SLC6A11: variants seen among roughly 807,000 people sequenced by gnomAD.
SLC6A11 encodes sodium- and chloride-dependent GABA transporter 3.
Under a neutral mutation model 74.8 loss-of-function variants are expected in SLC6A11, and 25 were observed. That is an observed-to-expected ratio of 0.33 (90% CI 0.24 to 0.47). The LOEUF (loss-of-function observed/expected upper bound fraction) is 0.47, where lower values mean the gene tolerates loss of function less well. Among genes scored for constraint, SLC6A11 ranks in the 20% least tolerant of loss-of-function variants. The pLI, the probability that SLC6A11 is intolerant of heterozygous loss-of-function variation, is 1.00. For missense variants in SLC6A11, 574 were observed against 837.0 expected (o/e 0.69, Z 3.88); for synonymous variants, 330 against 330.2 (o/e 1.00, Z 0.01).
chr3:10,882,017 C>T (rs999456849), intron 6 of SLC6A11, among the ~76,000 whole-genome samples: 7 of 152,208 alleles, frequency 4.6e-5, no homozygotes, highest in East Asian at 1.9e-4. Context: ...GAGGGTGCTC[C>T]TGCCCCTCCA....
intron 3 of SLC6A11, among the ~76,000 whole-genome samples, chr3:10,822,999 G>A (rs973244540): frequency 6.6e-6 from 1 of 152,152 alleles, no homozygotes; most frequent in African/African-American, 2.4e-5. Flanking sequence ...GACTTAGGCA[G>A]GGAAGTGGAA....
intron 4 of SLC6A11, among the ~76,000 whole-genome samples, chr3:10,834,276 A>G (rs1435833765): frequency 1.3e-5 from 2 of 151,884 alleles, no homozygotes; most frequent in Non-Finnish European, 2.9e-5. Context: ...TCCCAGGTGC[A>G]GAGTCGGACT....
chr3:10,852,071 T>C (rs865989054), intron 5 of SLC6A11, among the ~76,000 whole-genome samples: 3 of 152,110 alleles, frequency 2.0e-5, no homozygotes, highest in Non-Finnish European at 4.4e-5. Flanking sequence ...AAGGAAGGGA[T>C]GTGTGAAAGA....
intron 6 of SLC6A11, among the ~76,000 whole-genome samples, chr3:10,891,312 G>A (rs1014494846): frequency 4.6e-5 from 7 of 152,148 alleles, no homozygotes; most frequent in African/African-American, 1.7e-4. Context: ...TTCTGTAACT[G>A]TCATAAAAAT....
intron 6 of SLC6A11, among the ~76,000 whole-genome samples, chr3:10,887,187 A>T (rs547690046): frequency 6.6e-6 from 1 of 151,972 alleles, no homozygotes; most frequent in East Asian, 1.9e-4. Context: ...AGGTGGACAG[A>T]TGGATAGATG....
chr3:10,830,190 A>G (rs1310912357), intron 4 of SLC6A11, among the ~76,000 whole-genome samples: 1 of 152,204 alleles, frequency 6.6e-6, no homozygotes, highest in African/African-American at 2.4e-5. Context: ...GTGATACTTT[A>G]GCTGGGTTTT....
At chr3:10,880,940 G>A (rs1694968242) in intron 6 of SLC6A11, among the ~76,000 whole-genome samples, 1 of 152,150 alleles carries the variant, frequency 6.6e-6, no homozygotes, top group Admixed American at 6.5e-5. Flanking sequence ...GGGAAAGGGT[G>A]GAGTCTCACC....
chr3:10,858,803 C>T (rs1694668293), intron 5 of SLC6A11, among the ~76,000 whole-genome samples: 1 of 152,166 alleles, frequency 6.6e-6, no homozygotes, highest in African/African-American at 2.4e-5. Flanking sequence ...TATTAAACAC[C>T]TACTGGGTTT....
At position 10,935,209 on chromosome 3, in the gene SLC6A11, C is replaced by A. The variant is rs747739702; in HGVS notation, c.1746+10C>A. On this transcript the variant is annotated intron_variant, in intron 13 of 13. Coordinates refer to ENST00000254488, the MANE Select transcript of SLC6A11 (RefSeq NM_014229.3). ...GGGGACACTGCCCGAGGTGAGACCGCCCCAGGAGGGCTGGTGCGTTTGGGC... is the reference window on the plus strand; with the variant it reads ...GGGGACACTGCCCGAGGTGAGACCGACCCAGGAGGGCTGGTGCGTTTGGGC... 3 of 1,613,482 alleles carry A rather than the reference C, an allele frequency of 1.9e-6. No homozygotes were observed. Among genetic ancestry groups the A allele is most frequent in the Non-Finnish European group, 2.5e-6 (3 of 1,179,534 alleles).
At chr3:10,920,517 A>C (rs914418307) in intron 8 of SLC6A11, among the ~76,000 whole-genome samples, 2 of 152,208 alleles carry the variant, frequency 1.3e-5, no homozygotes, top group Non-Finnish European at 2.9e-5. Context: ...ATTCCATTGA[A>C]TTGATACACT....
intron 4 of SLC6A11, among the ~76,000 whole-genome samples, chr3:10,837,565 C>T (rs1694382523): frequency 1.3e-5 from 2 of 152,188 alleles, no homozygotes; most frequent in Admixed American, 6.5e-5. Flanking sequence ...TAATAGCTGT[C>T]CTCACCTGAG....
At chr3:10,877,196 G>A (rs1031357195) in intron 6 of SLC6A11, among the ~76,000 whole-genome samples, 3 of 152,256 alleles carry the variant, frequency 2.0e-5, no homozygotes, top group Non-Finnish European at 4.4e-5. Flanking sequence ...CTCAAAGGCA[G>A]AGTTGAGTAG....
Position 10,918,530 on chromosome 3 carries a change from TC to T in SLC6A11, c.1120+79del. 2 of 1,502,920 alleles carry T rather than the reference TC, an allele frequency of 1.3e-6. No homozygotes were observed. Among genetic ancestry groups the T allele is most frequent in the Non-Finnish European group, 1.8e-6 (2 of 1,115,852 alleles). The allele number at this position is 1,502,920 out of a possible 1,614,324, so 93.1% of individuals were successfully genotyped here. A position where few individuals can be genotyped will look rare whatever the true frequency, so the allele number is the denominator to read the frequency against. On this transcript the variant is annotated intron_variant, in intron 8 of 13. Transcript: ENST00000254488. The surrounding 1 kb of genome is among the most constrained non-coding windows in gnomAD (Gnocchi z 4.5). ...GATGGTCATCATGGAAATGCGATCT[TC>T]CTCCTCGGCTCACACATCTCCTGGA...
intron 5 of SLC6A11, among the ~76,000 whole-genome samples, chr3:10,849,051 G>T (rs1694540019): frequency 6.6e-6 from 1 of 152,148 alleles, no homozygotes; most frequent in Admixed American, 6.5e-5. Flanking sequence ...CTCACAGTAG[G>T]TGCTCATTAA....
intron 4 of SLC6A11, among the ~76,000 whole-genome samples, chr3:10,834,527 A>G (rs986858488): frequency 6.6e-6 from 1 of 152,106 alleles, no homozygotes; most frequent in Non-Finnish European, 1.5e-5. Context: ...AAGTGGCTTT[A>G]GAGTCAGGAC....
rs146824114 is a variant in SLC6A11, at chr3:10,911,343, G to A, written c.892-747G>A. Among the ~76,000 whole-genome samples, 628 of 152,308 alleles carry A rather than the reference G, an allele frequency of 4.1e-3. 4 individuals are homozygous for A. The highest frequency in any genetic ancestry group is 0.016 in the East Asian group (84 of 5,180). On this transcript the variant is annotated intron_variant, in intron 6 of 13. Transcript: ENST00000254488. ...TAGGGGCTGGGCTCAAAGGGAGCCC[G>A]GGGAAAGTGTTCGAGAAGCCACTGT...
intron 5 of SLC6A11, among the ~76,000 whole-genome samples, chr3:10,854,204 A>G (rs771726093): frequency 8.5e-5 from 13 of 152,162 alleles, no homozygotes; most frequent in Non-Finnish European, 1.8e-4. Flanking sequence ...CCTAGCCAAC[A>G]TGGCGAAACC....
chr3:10,887,273 GAATGGATGATGGATGATA>G lies in SLC6A11; in HGVS notation c.891+12194_891+12211del, dbSNP rs1177364328. Among the ~76,000 whole-genome samples, 14 of 150,604 alleles carry G rather than the reference GAATGGATGATGGATGATA, an allele frequency of 9.3e-5. 1 individual carries two copies. Among genetic ancestry groups the G allele is most frequent in the Admixed American group, 9.3e-4 (14 of 15,130 alleles). ...GATGATGAATGGATGGATGGTTAATGAATGGATGATGGATGATAAATGGATGATGGATGGATGGATGGA... is the reference window on the plus strand; with the variant it reads ...GATGATGAATGGATGGATGGTTAATGAATGGATGATGGATGGATGGATGGA... On this transcript the variant is annotated intron_variant, in intron 6 of 13. Transcript: ENST00000254488.
rs894150044 is a variant in SLC6A11, at chr3:10,904,748, C to T, written c.892-7342C>T. 4.6e-5 allele frequency among the ~76,000 whole-genome samples: 7 copies of T among 152,256 alleles called. No homozygotes were observed. The East Asian group carries it at 9.7e-4, about 21-fold the overall frequency. ...GCTGTTTAAATCCCAGCTGAGACTACAGGCCTACTCAGCAGACCAGGAGGT... is the reference window on the plus strand; with the variant it reads ...GCTGTTTAAATCCCAGCTGAGACTATAGGCCTACTCAGCAGACCAGGAGGT... On this transcript the variant is annotated intron_variant, in intron 6 of 13. Transcript: ENST00000254488.
Sources: allele counts gnomAD v4.1 joint callset (sites outside exome capture counted in the v4.1 genomes callset), GRCh38; gene constraint gnomAD v4.1.1; non-coding constraint Gnocchi (gnomAD v3.1); transcripts MANE v1.5; gene names NCBI Gene and HGNC (gene_info 2026-07-23, HGNC 2026-07-21).